HPSE2: variants seen among roughly 807,000 people sequenced by gnomAD.
HPSE2 encodes the protein heparanase 2 (inactive), also known as inactive heparanase-2.
Under a neutral mutation model 60.5 loss-of-function variants are expected in HPSE2, and 38 were observed. The observed-to-expected ratio is 0.63, with a 90% CI of 0.48 to 0.82. HPSE2 has a LOEUF of 0.82. Among genes scored for constraint, HPSE2 ranks in the 40% least tolerant of loss-of-function variants. The probability of loss-of-function intolerance (pLI) is 0.00; values close to 1 mark genes in which losing one functional copy is unlikely to be tolerated. For missense variants in HPSE2, 713 were observed against 740.4 expected (o/e 0.96, Z 0.43); for synonymous variants, 295 against 293.2 (o/e 1.01, Z -0.06).
chr10:99,147,001 T>C (rs2135786448), intron 2 of HPSE2, among the ~76,000 whole-genome samples: 1 of 152,384 alleles, frequency 6.6e-6, no homozygotes, highest in East Asian at 1.9e-4. Flanking sequence ...CTTAATTTCT[T>C]GTCATGAGAC....
intron 3 of HPSE2, among the ~76,000 whole-genome samples, chr10:98,974,011 C>T (rs1956024292): frequency 6.6e-6 from 1 of 152,092 alleles, no homozygotes. Context: ...GATTTGTAGG[C>T]TGGGCATGGT....
At chr10:99,179,672 G>C (rs991978543) in intron 2 of HPSE2, among the ~76,000 whole-genome samples, 3 of 151,710 alleles carry the variant, frequency 2.0e-5, no homozygotes, top group Admixed American at 2.0e-4. Flanking sequence ...TCGTGAAAAT[G>C]ACCATACTGC....
intron 4 of HPSE2, among the ~76,000 whole-genome samples, chr10:98,727,679 C>T (rs569382682): frequency 6.9e-6 from 1 of 145,454 alleles, no homozygotes; most frequent in Non-Finnish European, 1.5e-5. Context: ...ACAACAACAA[C>T]AAAAAAAAAC....
intron 7 of HPSE2, among the ~76,000 whole-genome samples, chr10:98,621,771 T>C (rs1946080601): frequency 1.3e-5 from 2 of 152,206 alleles, no homozygotes; most frequent in Non-Finnish European, 2.9e-5. Flanking sequence ...GCCTGAGTGC[T>C]GAGCAGATTC....
intron 3 of HPSE2, among the ~76,000 whole-genome samples, chr10:98,926,454 T>C (rs987077291): frequency 1.3e-5 from 2 of 152,154 alleles, no homozygotes. Context: ...TAATTTAGTC[T>C]CCTTCATGAT....
intron 3 of HPSE2, among the ~76,000 whole-genome samples, chr10:98,802,590 G>A (rs1163436936): frequency 1.5e-4 from 22 of 150,020 alleles, no homozygotes; most frequent in Admixed American, 3.3e-4. Context: ...TTGTTCTTGC[G>A]ATAGTTTACT....
chr10:98,860,710 C>T (rs1952437877), intron 3 of HPSE2, among the ~76,000 whole-genome samples: 1 of 152,200 alleles, frequency 6.6e-6, no homozygotes, highest in Admixed American at 6.5e-5. Flanking sequence ...GCTATAACCT[C>T]TTTTGCAACT....
chr10:98,797,284 C>A (rs1459736001), intron 3 of HPSE2, among the ~76,000 whole-genome samples: 1 of 151,998 alleles, frequency 6.6e-6, no homozygotes. Flanking sequence ...ATAAATTTAA[C>A]AAAGAGCTCG....
chr10:99,232,250 C>A, intron 2 of HPSE2, 98 bp downstream of exon 2: 4 of 1,366,816 alleles, frequency 2.9e-6, no homozygotes, highest in Non-Finnish European at 4.1e-6. Flanking sequence ...CACACACACA[C>A]ACACACGAAC....
At chr10:99,044,035 A>G (rs151137839) in intron 3 of HPSE2, among the ~76,000 whole-genome samples, 20 of 152,288 alleles carry the variant, frequency 1.3e-4, no homozygotes, top group African/African-American at 3.6e-4. Flanking sequence ...ATACTATACA[A>G]TATGACTATC....
In HPSE2 at chr10:98,924,797, C is replaced by T. The variant is rs544054607; in HGVS notation, c.611-180741G>A. Among the ~76,000 whole-genome samples the T allele has an allele frequency of 7.9e-5, 12 of 152,298 alleles. No individual in the cohort carries two copies. The South Asian group carries it at 2.3e-3, about 29-fold the overall frequency. ...AGCACTAGGAGTTGCCTAGGAATTGCAGTCTTTGTGTCCTAGACTGTCTTT... is the reference window on the plus strand; with the variant it reads ...AGCACTAGGAGTTGCCTAGGAATTGTAGTCTTTGTGTCCTAGACTGTCTTT... On this transcript the variant is annotated intron_variant, in intron 3 of 11. Transcript: ENST00000370552.
intron 3 of HPSE2, among the ~76,000 whole-genome samples, chr10:98,885,339 G>A (rs1953134817): frequency 6.6e-6 from 1 of 152,132 alleles, no homozygotes; most frequent in Non-Finnish European, 1.5e-5. Context: ...TGGTGAAGAT[G>A]CTCTGAACAT....
At chr10:98,529,548 A>T (rs1412677085) in intron 9 of HPSE2, among the ~76,000 whole-genome samples, 1 of 152,206 alleles carries the variant, frequency 6.6e-6, no homozygotes, top group African/African-American at 2.4e-5. Flanking sequence ...ACATGCCCTC[A>T]ACTCTGCAGT....
intron 2 of HPSE2, among the ~76,000 whole-genome samples, chr10:99,157,611 T>G (rs1347109924): frequency 1.4e-5 from 2 of 144,664 alleles, no homozygotes; most frequent in African/African-American, 4.9e-5. Flanking sequence ...TCAAGATGGA[T>G]TAAAGACTTA....
At chr10:98,992,757 T>C (rs1378366412) in intron 3 of HPSE2, among the ~76,000 whole-genome samples, 1 of 152,218 alleles carries the variant, frequency 6.6e-6, no homozygotes, top group South Asian at 2.1e-4. Flanking sequence ...ATGGTAGCCA[T>C]GTGTACAGTA....
At chr10:99,134,757 G>A (rs11517064) in intron 3 of HPSE2, among the ~76,000 whole-genome samples, 7 of 152,042 alleles carry the variant, frequency 4.6e-5, no homozygotes, top group East Asian at 1.9e-4. Flanking sequence ...TATCAGCCAC[G>A]GCAAAAACAT....
At chr10:98,646,093 T>C (rs575794832) in intron 6 of HPSE2, among the ~76,000 whole-genome samples, 14 of 152,320 alleles carry the variant, frequency 9.2e-5, no homozygotes, top group African/African-American at 2.6e-4. Flanking sequence ...CCATTGTAAA[T>C]GTGAAGCTTC....
chr10:99,088,867 T>C (rs1843418169), intron 3 of HPSE2, among the ~76,000 whole-genome samples: 1 of 151,470 alleles, frequency 6.6e-6, no homozygotes, highest in African/African-American at 2.4e-5. Flanking sequence ...CCAACATCTA[T>C]TTTTTTTTAT....
intron 6 of HPSE2, among the ~76,000 whole-genome samples, chr10:98,645,610 T>C (rs1273027215): frequency 6.6e-6 from 1 of 152,236 alleles, no homozygotes; most frequent in African/African-American, 2.4e-5. Flanking sequence ...TAAACCCACA[T>C]TTATATTGTA....
Sources: allele counts gnomAD v4.1 joint callset (sites outside exome capture counted in the v4.1 genomes callset), GRCh38; gene constraint gnomAD v4.1.1; transcripts MANE v1.5; gene names NCBI Gene and HGNC (gene_info 2026-07-23, HGNC 2026-07-21).